Variants in SUPT3H observed in about 807,000 individuals in gnomAD.
SUPT3H encodes the protein transcription initiation protein SPT3 homolog.
Under a neutral mutation model 44.3 loss-of-function variants are expected in SUPT3H, and 44 were observed. The observed-to-expected ratio is 0.99, with a 90% CI of 0.78 to 1.28. The LOEUF is 1.28. SUPT3H is among the 50% of genes most tolerant of loss of function. The pLI, the probability that SUPT3H is intolerant of heterozygous loss-of-function variation, is 0.00. For missense variants in SUPT3H, 380 were observed against 387.1 expected, an observed-to-expected ratio of 0.98 and a Z score of 0.15; for synonymous variants, 124 against 125.6, an observed-to-expected ratio of 0.99 and a Z score of 0.09.
chr6:45,198,428 C>T (rs1260240224), intron 2 of SUPT3H, among the ~76,000 whole-genome samples: 1 of 151,240 alleles, frequency 6.6e-6, no homozygotes, highest in East Asian at 1.9e-4. Flanking sequence ...AAACTAGAAA[C>T]CTTCCTCCTA....
intron 9 of SUPT3H, among the ~76,000 whole-genome samples, chr6:44,937,374 A>T (rs1771619974): frequency 6.6e-6 from 1 of 151,880 alleles, no homozygotes; most frequent in African/African-American, 2.4e-5. Flanking sequence ...CTTGCCTGTA[A>T]TCCCAGCTAC....
chr6:45,034,929 T>A (rs192611488), intron 3 of SUPT3H, among the ~76,000 whole-genome samples: 70 of 152,342 alleles, frequency 4.6e-4, no homozygotes, highest in Non-Finnish European at 8.1e-4. Flanking sequence ...TAGACAACTT[T>A]TCCCATTTTC....
At chr6:44,885,116 C>A (rs1293401343) in intron 10 of SUPT3H, among the ~76,000 whole-genome samples, 1 of 152,244 alleles carries the variant, frequency 6.6e-6, no homozygotes, top group Non-Finnish European at 1.5e-5. Flanking sequence ...AGCCAGGAAG[C>A]TCGAACTGGG....
intron 2 of SUPT3H, among the ~76,000 whole-genome samples, chr6:45,129,967 G>A (rs1423062165): frequency 6.6e-6 from 1 of 152,116 alleles, no homozygotes; most frequent in Non-Finnish European, 1.5e-5. Context: ...TTGCGAACTG[G>A]CACAAGACAG....
chr6:45,308,750 T>C (rs994498901), intron 2 of SUPT3H, among the ~76,000 whole-genome samples: 6 of 17,382 alleles, frequency 3.5e-4, no homozygotes, highest in Non-Finnish European at 4.9e-4. Context: ...ACAAAAAAAA[T>C]AAATTTAAAA....
At chr6:45,233,176 A>C (rs966489973) in intron 2 of SUPT3H, among the ~76,000 whole-genome samples, 3 of 152,198 alleles carry the variant, frequency 2.0e-5, no homozygotes, top group African/African-American at 7.2e-5. Flanking sequence ...TCCAGGGATT[A>C]GTACTCCCTG....
At chr6:44,944,334 A>G (rs777248116) in intron 9 of SUPT3H, among the ~76,000 whole-genome samples, 3 of 152,174 alleles carry the variant, frequency 2.0e-5, no homozygotes, top group Non-Finnish European at 4.4e-5. Flanking sequence ...ACACAACCCA[A>G]AAGAAGACAG....
At chr6:45,327,555 T>C (rs567880518) in intron 2 of SUPT3H, among the ~76,000 whole-genome samples, 27 of 152,046 alleles carry the variant, frequency 1.8e-4, no homozygotes, top group Admixed American at 1.6e-3. Context: ...CATGAGATAA[T>C]GGTATACATG....
At chr6:45,239,371 T>C (rs2153645638) in intron 2 of SUPT3H, among the ~76,000 whole-genome samples, 1 of 152,332 alleles carries the variant, frequency 6.6e-6, no homozygotes, top group East Asian at 1.9e-4. Context: ...TGCTACACAC[T>C]TTCACAATTT....
chr6:45,124,765 A>G (rs184819144), intron 2 of SUPT3H, among the ~76,000 whole-genome samples: 1 of 152,274 alleles, frequency 6.6e-6, no homozygotes, highest in East Asian at 1.9e-4. Flanking sequence ...TGTCCTTCCA[A>G]AAACAATGTA....
At chr6:45,246,103 A>G (rs1477629231) in intron 2 of SUPT3H, among the ~76,000 whole-genome samples, 1 of 151,916 alleles carries the variant, frequency 6.6e-6, no homozygotes, top group Admixed American at 6.6e-5. Flanking sequence ...ATTTTTGCCC[A>G]TTTTTTAATT....
chr6:45,235,480 G>T (rs550348502), intron 2 of SUPT3H, among the ~76,000 whole-genome samples: 3 of 152,046 alleles, frequency 2.0e-5, no homozygotes, highest in African/African-American at 7.2e-5. Context: ...ATATGTATTT[G>T]ATAACTTTAT....
At chr6:45,338,357 T>A (rs1310464867) in intron 2 of SUPT3H, among the ~76,000 whole-genome samples, 2 of 151,564 alleles carry the variant, frequency 1.3e-5, no homozygotes, top group Admixed American at 1.3e-4. Flanking sequence ...AAAAAAAAAA[T>A]TATAGGCAAC....
chr6:45,211,409 A>C (rs1764059095), intron 2 of SUPT3H, among the ~76,000 whole-genome samples: 1 of 152,146 alleles, frequency 6.6e-6, no homozygotes, highest in Admixed American at 6.5e-5. Flanking sequence ...CAAGTCACTT[A>C]TGTTTTGACC....
At chr6:45,065,393 TA>T (rs1389187197) in intron 3 of SUPT3H, among the ~76,000 whole-genome samples, 2 of 139,636 alleles carry the variant, frequency 1.4e-5, no homozygotes, top group East Asian at 4.3e-4. Flanking sequence ...ACATCACAAT[TA>T]AAAGAACTAG....
chr6:44,863,477 G>A (rs190132663), intron 10 of SUPT3H, among the ~76,000 whole-genome samples: 104 of 152,302 alleles, frequency 6.8e-4, no homozygotes, highest in Admixed American at 5.8e-3. Context: ...GAGCTCTATA[G>A]TAAATGACAG....
rs180711979 is a variant in SUPT3H at position 44,885,818 on chromosome 6, G to A, written c.912+46835C>T. ...AGGCTTCAGACGATCAAACTACTCC[G>A]AGCTACAGGAGGAAATTCAAACCAA... is the stretch of plus-strand genomic sequence containing the variant. On this transcript the variant is annotated intron_variant, in intron 10 of 10. Coordinates refer to ENST00000371459, the MANE Select transcript of SUPT3H (RefSeq NM_003599.4). Among the ~76,000 whole-genome samples, 413 of 152,246 alleles carry A rather than the reference G, an allele frequency of 2.7e-3. 2 individuals are homozygous for A. Among genetic ancestry groups the A allele is most frequent in the African/African-American group, 8.9e-3 (371 of 41,534 alleles).
intron 1 of SUPT3H, among the ~76,000 whole-genome samples, chr6:45,376,002 GA>G (rs1389482012): frequency 6.6e-6 from 1 of 151,942 alleles, no homozygotes; most frequent in South Asian, 2.1e-4. Flanking sequence ...GGTTAAAAAA[GA>G]AAAAAACTTG....
intron 2 of SUPT3H, among the ~76,000 whole-genome samples, chr6:45,206,815 G>A (rs547876053): frequency 4.1e-4 from 62 of 152,210 alleles, no homozygotes; most frequent in Middle Eastern, 3.4e-3. Context: ...GCTGAGATGA[G>A]GGGGAGATGG....
Sources: gnomAD v4.1 joint callset for allele counts (sites outside exome capture counted in the v4.1 genomes callset) on GRCh38, gnomAD v4.1.1 for gene constraint, MANE v1.5 for transcripts, NCBI Gene and HGNC (gene_info 2026-07-23, HGNC 2026-07-21) for gene names.